Variants in TTC22 observed in about 807,000 individuals in gnomAD.
The protein encoded by TTC22 is tetratricopeptide repeat domain 22.
Under a neutral mutation model 48.2 loss-of-function variants are expected in TTC22, and 42 were observed. That is an observed-to-expected ratio of 0.87 (90% CI 0.68 to 1.13). The LOEUF (loss-of-function observed/expected upper bound fraction) is 1.13, where lower values mean the gene tolerates loss of function less well. TTC22 is among the 50% of genes most tolerant of loss of function. The pLI is 0.00. For synonymous variants in TTC22, 345 were observed against 365.5 expected, an observed-to-expected ratio of 0.94 and a Z score of 0.64; for missense variants, 784 against 807.0, an observed-to-expected ratio of 0.97 and a Z score of 0.34.
At chr1:54,787,368 C>G (rs1486525229) in intron 3 of TTC22, 1 of 560,638 alleles carries the variant, frequency 1.8e-6, no homozygotes, top group East Asian at 3.0e-5. Flanking sequence ...GTTCTAGTCC[C>G]TGCTCTTGCT....
At chr1:54,790,283 G>T (rs1359373271) in intron 1 of TTC22, among the ~76,000 whole-genome samples, 1 of 152,220 alleles carries the variant, frequency 6.6e-6, no homozygotes, top group Non-Finnish European at 1.5e-5. Context: ...TAAAGCCTGA[G>T]ATGGGAGAAT....
At position 54,787,065 on chromosome 1, in the gene TTC22, C is replaced by T. The variant is rs150408858; in HGVS notation, c.750G>A (p.Trp250Ter). 627 of 1,522,752 alleles carry T rather than the reference C, an allele frequency of 4.1e-4. 4 individuals carry two copies. The East Asian group carries it at 0.013, about 32-fold the overall frequency. 94.3% of individuals were successfully genotyped at this position (1,522,752 alleles called of 1,614,324 possible). A position where few individuals can be genotyped will look rare whatever the true frequency, so the allele number is the denominator to read the frequency against. ...SEDPRHRALA[W>*]CYLGMLLERK... ...GCTCCAGCAGCATCCCGAGGTAGCA[C>T]CAGGCCAGGGCTGGGGGTGAAGGGT... Residue 250 changes from tryptophan to a stop codon, truncating the protein, a stop_gained, in exon 4 of 7, where the codon TGG (tryptophan) becomes TGA (stop). Coordinates refer to ENST00000371276, the MANE Select transcript of TTC22 (RefSeq NM_001114108.2). LOFTEE classifies it high-confidence loss of function.
Position 54,787,720 on chromosome 1 carries a change from G to A in TTC22, c.730C>T (p.Arg244Cys), listed in dbSNP as rs569564877. The change falls in exon 3 of 7, where the codon CGC (arginine) becomes TGC (cysteine). Residue 244 changes from arginine (R) to cysteine (C), a missense_variant. Coordinates refer to ENST00000371276, the MANE Select transcript of TTC22 (RefSeq NM_001114108.2). ...LRQVLKSEDP[R>C]HRALAWCYLG... ...TCCCCCGGGTCCCCACCTCGGTGGCGGGGGTCCTCGGACTTCAGCACTTGC... is the reference window on the plus strand; with the variant it reads ...TCCCCCGGGTCCCCACCTCGGTGGCAGGGGTCCTCGGACTTCAGCACTTGC... The A allele has an allele frequency of 2.2e-5, 35 of 1,611,966 alleles. No individual in the cohort carries two copies. Among genetic ancestry groups the A allele is most frequent in the African/African-American group, 4.0e-5 (3 of 74,982 alleles).
intron 2 of TTC22, 77 bp downstream of exon 2, chr1:54,787,965 C>T (rs887109963): frequency 6.3e-5 from 97 of 1,530,432 alleles, no homozygotes; most frequent in Middle Eastern, 1.7e-4. Flanking sequence ...GCCACCTCTG[C>T]CCTTACCCTG....
At chr1:54,799,590 C>T (rs1646417826) in intron 1 of TTC22, among the ~76,000 whole-genome samples, 1 of 152,194 alleles carries the variant, frequency 6.6e-6, no homozygotes, top group African/African-American at 2.4e-5. Context: ...GCTGTCATGA[C>T]CGCATTCAAC....
At chr1:54,786,671 A>G in intron 4 of TTC22, 1 of 321,574 alleles carries the variant, frequency 3.1e-6, no homozygotes, top group Non-Finnish European at 5.6e-6. Context: ...GTGGAGAGGT[A>G]GGGAACTCCT....
At chr1:54,792,685 G>A (rs901025269) in intron 1 of TTC22, among the ~76,000 whole-genome samples, 10 of 152,038 alleles carry the variant, frequency 6.6e-5, no homozygotes, top group Non-Finnish European at 1.2e-4. Flanking sequence ...TGCCCGCCTC[G>A]GCCTCCCAAA....
chr1:54,788,192 G>A, intron 1 of TTC22, 95 bp from the exon 2 acceptor site: 1 of 1,205,382 alleles, frequency 8.3e-7, no homozygotes, highest in Admixed American at 1.7e-5. Flanking sequence ...AGAGGCAGCA[G>A]GCACAAGTGG....
chr1:54,801,179 TC>T lies in TTC22; in HGVS notation c.-17del, dbSNP rs748207954. 6.2e-7 allele frequency: 1 copy of T among 1,607,820 alleles called. No homozygotes were observed. Among genetic ancestry groups the T allele is most frequent in the Admixed American group, 1.7e-5 (1 of 59,852 alleles). ...GCTCCGCCATGACTGCTCCCTCTGC[TC>T]CCCTGGCCTCACCCTTGTCCCTGAG... On this transcript the variant is annotated 5_prime_UTR_variant, in exon 1 of 7. Transcript: ENST00000371276.
intron 3 of TTC22, 83 bp downstream of exon 3, chr1:54,787,628 G>A (rs759059532): frequency 2.1e-6 from 2 of 971,026 alleles, no homozygotes; most frequent in Admixed American, 2.0e-5. Flanking sequence ...AGAAGGGGAG[G>A]TAATGCCAGA....
At chr1:54,785,393 C>A in intron 5 of TTC22, 1 of 282,742 alleles carries the variant, frequency 3.5e-6, no homozygotes, top group Non-Finnish European at 7.1e-6. Flanking sequence ...GGCGGAGAAG[C>A]CAGATTTCAA....
intron 1 of TTC22, among the ~76,000 whole-genome samples, chr1:54,793,422 C>T (rs529114793): frequency 4.6e-5 from 7 of 152,172 alleles, no homozygotes; most frequent in Non-Finnish European, 8.8e-5. Context: ...AGGTTGCCTA[C>T]TTAACCTGGT....
At chr1:54,789,246 G>A (rs764713717) in intron 1 of TTC22, among the ~76,000 whole-genome samples, 4 of 152,224 alleles carry the variant, frequency 2.6e-5, no homozygotes, top group Non-Finnish European at 4.4e-5. Context: ...CCATGAGAGT[G>A]GTACAGAGGA....
At chr1:54,799,907 A>G (rs1646419696) in intron 1 of TTC22, among the ~76,000 whole-genome samples, 1 of 152,218 alleles carries the variant, frequency 6.6e-6, no homozygotes, top group Non-Finnish European at 1.5e-5. Context: ...TAACATTACT[A>G]TCTCCATCTT....
Position 54,781,656 on chromosome 1 carries a change from C to T in TTC22, c.1297G>A (p.Glu433Lys), listed in dbSNP as rs1259776792. ...GESELGATLPELQLLRGKCLR... is the reference protein window; with the variant it reads ...GESELGATLPKLQLLRGKCLR... Reference sequence around the variant, plus strand: ...CACTTGCCGCGCAGCAGCTGCAGCTCGGGCAGCGTGGCACCCAGCTCCGAC... The same window carrying T: ...CACTTGCCGCGCAGCAGCTGCAGCTTGGGCAGCGTGGCACCCAGCTCCGAC... Residue 433 changes from glutamate (E) to lysine (K), a missense_variant, in exon 7 of 7, where the codon GAG (glutamate) becomes AAG (lysine). Physicochemically the swap from Glu to Lys is moderately conservative, Grantham distance 56. Transcript: ENST00000371276. The T allele has an allele frequency of 6.5e-6, 10 of 1,530,892 alleles. No homozygotes were observed. The highest frequency in any genetic ancestry group is 2.4e-5 in the South Asian group (2 of 83,232). 94.8% of individuals were successfully genotyped at this position (1,530,892 alleles called of 1,614,324 possible).
chr1:54,781,279 G>GGCGCCCTC lies in TTC22; in HGVS notation c.1666_1673dup (p.Ser559ArgfsTer34). The GGCGCCCTC allele has an allele frequency of 6.8e-7, 1 of 1,478,206 alleles. No homozygotes were observed. The highest frequency in any genetic ancestry group is 8.9e-7 in the Non-Finnish European group (1 of 1,122,766). The allele number at this position is 1,478,206 out of a possible 1,614,324, so 91.6% of individuals were successfully genotyped here. The stretch of plus-strand genomic sequence containing the variant: ...CAGCCCGGCGGTCCCGCGGCGCGCT[G>GGCGCCCTC]GCGCCCTCGCCCTCGCGCTCCATGG... On this transcript the variant is annotated frameshift_variant, in exon 7 of 7. Coordinates refer to ENST00000371276, the MANE Select transcript of TTC22 (RefSeq NM_001114108.2). LOFTEE classifies it low-confidence loss of function (END_TRUNC).
At position 54,800,465 on chromosome 1, in the gene TTC22, A is replaced by G. The variant is rs1050738491; in HGVS notation, c.567+132T>C. On this transcript the variant is annotated intron_variant, in intron 1 of 6. Transcript: ENST00000371276. ...GGGGCAGGCGGGGGATGCACATTGG[A>G]AAGGCATTTGGGAGGCCAAAAGACC... is the stretch of plus-strand genomic sequence containing the variant. 16 of 822,040 alleles carry G rather than the reference A, an allele frequency of 1.9e-5. 1 individual carries two copies. The South Asian group carries it at 3.0e-4, about 15-fold the overall frequency. The allele number at this position is 822,040 out of a possible 1,614,324, so 50.9% of individuals were successfully genotyped here.
chr1:54,799,394 C>T (rs1197939596), intron 1 of TTC22, among the ~76,000 whole-genome samples: 1 of 151,936 alleles, frequency 6.6e-6, no homozygotes, highest in African/African-American at 2.4e-5. Flanking sequence ...GAACGGCCTC[C>T]TAAGAGCAGG....
chr1:54,781,334 C>A lies in TTC22; in HGVS notation c.1619G>T (p.Arg540Leu), dbSNP rs1322223430. ...GAAGAGCAGCCGCACCAGCGCCGGCCGTCCCTGGGCCACCAGGGCCCGGGC... is the reference window on the plus strand; with the variant it reads ...GAAGAGCAGCCGCACCAGCGCCGGCAGTCCCTGGGCCACCAGGGCCCGGGC... ...GLARALVAQGRPALVRLLFET... is the reference protein window; with the variant it reads ...GLARALVAQGLPALVRLLFET... Residue 540 changes from arginine (R) to leucine (L), a missense_variant, in exon 7 of 7, where the codon CGG (arginine) becomes CTG (leucine). Arg to Leu is a moderately radical substitution (Grantham distance 102, BLOSUM62 -2). Coordinates refer to ENST00000371276, the MANE Select transcript of TTC22 (RefSeq NM_001114108.2). The A allele has an allele frequency of 3.5e-6, 5 of 1,415,870 alleles. No homozygotes were observed. Among genetic ancestry groups the A allele is most frequent in the Non-Finnish European group, 4.6e-6 (5 of 1,096,670 alleles). 87.7% of individuals were successfully genotyped at this position (1,415,870 alleles called of 1,614,324 possible).
Sources: gnomAD v4.1 joint callset for allele counts (sites outside exome capture counted in the v4.1 genomes callset) on GRCh38, gnomAD v4.1.1 for gene constraint, MANE v1.5 for transcripts, NCBI Gene and HGNC (gene_info 2026-07-23, HGNC 2026-07-21) for gene names.